RMC1: variants seen among roughly 807,000 people sequenced by gnomAD.
RMC1 encodes the protein regulator of MON1-CCZ1 complex.
A neutral mutation model predicts 95.5 loss-of-function variants in RMC1; 44 were observed. The ratio of observed to expected loss-of-function variants is 0.46; its 90% CI spans 0.36 to 0.59. The LOEUF (loss-of-function observed/expected upper bound fraction) is 0.59. Among genes scored for constraint, RMC1 ranks in the 20% least tolerant of loss-of-function variants. The pLI is 0.00. For missense variants in RMC1, 705 were observed against 819.6 expected, an observed-to-expected ratio of 0.86 and a Z score of 1.71; for synonymous variants, 320 against 303.6, an observed-to-expected ratio of 1.05 and a Z score of -0.56.
chr18:23,512,732 C>G (rs2057895596), intron 5 of RMC1, among the ~76,000 whole-genome samples: 1 of 151,570 alleles, frequency 6.6e-6, no homozygotes, highest in Non-Finnish European at 1.5e-5. Context: ...TGTGTGTGGT[C>G]AAAAATATTT....
intron 6 of RMC1, 39 bp downstream of exon 6, chr18:23,516,035 A>T (rs2057993414): frequency 6.2e-7 from 1 of 1,613,256 alleles, no homozygotes; most frequent in South Asian, 1.1e-5. Context: ...ACCTTTCCCC[A>T]GTTGTCCCCT....
chr18:23,514,525 C>T (rs1013359479), intron 5 of RMC1, among the ~76,000 whole-genome samples: 2 of 151,736 alleles, frequency 1.3e-5, no homozygotes, highest in Admixed American at 6.6e-5. Context: ...CCACTGCACT[C>T]CAGCCTGGGC....
intron 13 of RMC1, among the ~76,000 whole-genome samples, chr18:23,527,223 C>CAAAAAA (rs386387173): frequency 4.6e-5 from 2 of 43,668 alleles, no homozygotes; most frequent in African/African-American, 6.5e-5. Flanking sequence ...CCTGTCTCTA[C>CAAAAAA]AAAAAAAAAA....
At chr18:23,513,209 C>T (rs1192904946) in intron 5 of RMC1, among the ~76,000 whole-genome samples, 5 of 152,194 alleles carry the variant, frequency 3.3e-5, no homozygotes, top group African/African-American at 1.2e-4. Flanking sequence ...TCACCTCAGC[C>T]TCCCAAAGTG....
At chr18:23,521,891 T>C (rs1159934051) in intron 10 of RMC1, among the ~76,000 whole-genome samples, 1 of 152,156 alleles carries the variant, frequency 6.6e-6, no homozygotes, top group Non-Finnish European at 1.5e-5. Flanking sequence ...CTCTCCCGGC[T>C]CTCTTTTGAA....
At chr18:23,529,321 T>C in intron 15 of RMC1, 23 bp downstream of exon 15, 1 of 1,599,524 alleles carries the variant, frequency 6.3e-7, no homozygotes, top group Admixed American at 1.8e-5. Flanking sequence ...TTTCCGCCTC[T>C]TCTGGACTGA....
At chr18:23,520,414 A>C in intron 10 of RMC1, 101 bp downstream of exon 10, 1 of 949,176 alleles carries the variant, frequency 1.1e-6, no homozygotes, top group Non-Finnish European at 1.6e-6. Context: ...AGTGAGGAAT[A>C]AACAGAGATT....
chr18:23,504,865 C>T (rs2057673891), intron 2 of RMC1: 1 of 170,470 alleles, frequency 5.9e-6, no homozygotes. Context: ...CTTAAGGTGA[C>T]TGCATAGTCC....
At chr18:23,508,803 T>C (rs2057776955) in intron 4 of RMC1, 1 of 152,438 alleles carries the variant, frequency 6.6e-6, no homozygotes, top group African/African-American at 2.4e-5. Flanking sequence ...CCTCAACCCA[T>C]TTTAGTCAAC....
intron 10 of RMC1, among the ~76,000 whole-genome samples, chr18:23,520,526 C>T (rs2058116172): frequency 6.6e-6 from 1 of 152,248 alleles, no homozygotes; most frequent in Non-Finnish European, 1.5e-5. Flanking sequence ...GTGTCGTGAT[C>T]TTGGCTCACT....
At chr18:23,509,739 T>G (rs1044894033) in intron 5 of RMC1, 1 of 152,124 alleles carries the variant, frequency 6.6e-6, no homozygotes, top group African/African-American at 2.4e-5. Context: ...ATTTTGTATT[T>G]TTAGTAGAGA....
At chr18:23,504,017 A>G (rs946883916) in intron 1 of RMC1, among the ~76,000 whole-genome samples, 2 of 152,162 alleles carry the variant, frequency 1.3e-5, no homozygotes, top group African/African-American at 4.8e-5. Context: ...TGTGTTTGTC[A>G]TTAGTTACAC....
chr18:23,514,237 T>G (rs1167454641), intron 5 of RMC1, among the ~76,000 whole-genome samples: 1 of 152,194 alleles, frequency 6.6e-6, no homozygotes, highest in African/African-American at 2.4e-5. Flanking sequence ...AATGACTGGC[T>G]GGGCACGGTG....
At chr18:23,518,748 G>A in intron 7 of RMC1, 142 bp from the exon 8 acceptor site, 2 of 660,354 alleles carry the variant, frequency 3.0e-6, no homozygotes, top group Non-Finnish European at 5.2e-6. Context: ...TTGAGTAACT[G>A]CATGTTTCTT....
intron 6 of RMC1, 53 bp downstream of exon 6, chr18:23,516,049 C>G (rs2057994275): frequency 6.2e-7 from 1 of 1,610,686 alleles, no homozygotes; most frequent in Non-Finnish European, 8.5e-7. Flanking sequence ...GTCCCCTGTT[C>G]CTGTAGCATC....
At chr18:23,521,795 C>CAG (rs1479471129) in intron 10 of RMC1, among the ~76,000 whole-genome samples, 1 of 151,940 alleles carries the variant, frequency 6.6e-6, no homozygotes, top group Non-Finnish European at 1.5e-5. Flanking sequence ...TCTGAGGCCT[C>CAG]CCTCCTGGCA....
intron 4 of RMC1, 40 bp from the exon 5 acceptor site, chr18:23,509,153 T>C: frequency 1.2e-6 from 1 of 807,046 alleles, no homozygotes; most frequent in Non-Finnish European, 1.8e-6. Flanking sequence ...TATGTGTTTT[T>C]TCTTATTAAT....
At chr18:23,528,560 T>C (rs553503651) in intron 14 of RMC1, 1 of 153,268 alleles carries the variant, frequency 6.5e-6, no homozygotes, top group East Asian at 1.9e-4. Context: ...TAGCTGTTCA[T>C]GGAAGGGTAA....
chr18:23,512,178 G>A (rs2057879270), intron 5 of RMC1, among the ~76,000 whole-genome samples: 1 of 151,622 alleles, frequency 6.6e-6, no homozygotes, highest in Admixed American at 6.6e-5. Flanking sequence ...CCAGCACCAC[G>A]CCTGGCTAAT....
Sources: allele counts gnomAD v4.1 joint callset (sites outside exome capture counted in the v4.1 genomes callset), GRCh38; gene constraint gnomAD v4.1.1; transcripts MANE v1.5; gene names NCBI Gene and HGNC (gene_info 2026-07-23, HGNC 2026-07-21).